PDLIM1: variants seen among roughly 807,000 people sequenced by gnomAD.
PDLIM1 encodes the protein PDZ and LIM domain 1.
PDLIM1 carries 25 observed loss-of-function variants against 35.2 expected under a neutral mutation model. The ratio of observed to expected loss-of-function variants is 0.71; its 90% CI spans 0.52 to 0.99. The LOEUF is 0.99. Among genes scored for constraint, PDLIM1 ranks in the 50% least tolerant of loss-of-function variants. The pLI, the probability that PDLIM1 is intolerant of heterozygous loss-of-function variation, is 0.00. For missense variants in PDLIM1, 363 were observed against 415.3 expected (o/e 0.87, Z 1.09); for synonymous variants, 152 against 154.0 (o/e 0.99, Z 0.10).
chr10:95,251,516 C>A (rs943491009), intron 4 of PDLIM1, among the ~76,000 whole-genome samples: 3 of 152,180 alleles, frequency 2.0e-5, no homozygotes, highest in Admixed American at 2.0e-4. Context: ...GCAGAAGTTG[C>A]TAAAACAAGA....
At chr10:95,276,121 C>T (rs916003038) in intron 1 of PDLIM1, among the ~76,000 whole-genome samples, 8 of 152,074 alleles carry the variant, frequency 5.3e-5, no homozygotes, top group African/African-American at 1.9e-4. Context: ...TACCTCACCA[C>T]CAACATATTA....
At chr10:95,258,501 C>CA (rs1035211941) in intron 4 of PDLIM1, among the ~76,000 whole-genome samples, 6 of 149,218 alleles carry the variant, frequency 4.0e-5, no homozygotes, top group Admixed American at 1.3e-4. Flanking sequence ...GACTCTGTCT[C>CA]AAAAAAAAGA....
intron 1 of PDLIM1, among the ~76,000 whole-genome samples, chr10:95,282,480 T>C (rs1173538072): frequency 1.3e-5 from 2 of 152,210 alleles, no homozygotes; most frequent in South Asian, 2.1e-4. Flanking sequence ...AGTTGCACCT[T>C]AATCCAGCTT....
At position 95,290,824 on chromosome 10, in the gene PDLIM1, GA is replaced by G; in HGVS notation, c.91del (p.Ser31ProfsTer11). 6.4e-7 allele frequency: 1 copy of G among 1,558,086 alleles called. No homozygotes were observed. Among genetic ancestry groups the G allele is most frequent in the Non-Finnish European group, 8.7e-7 (1 of 1,150,858 alleles). ...GCACGTCCCAGCTGCTCTTACCCGG[GA>G]AATGGCGAGAGGCTGCTCGAAGTCC... Reference protein sequence around the residue: ...GKDFEQPLAISRVTPGSKAAL... With the variant: ...GKDFEQPLAIXRVTPGSKAAL... On this transcript the variant is annotated frameshift_variant, in exon 1 of 7. Coordinates refer to ENST00000329399, the MANE Select transcript of PDLIM1 (RefSeq NM_020992.4). LOFTEE classifies it high-confidence loss of function. This position sits in a 1 kb window ranked among gnomAD's most constrained non-coding sequence, Gnocchi z 4.7.
intron 5 of PDLIM1, among the ~76,000 whole-genome samples, chr10:95,244,759 G>A (rs2035204711): frequency 1.3e-5 from 2 of 152,062 alleles, no homozygotes; most frequent in Non-Finnish European, 1.5e-5. Flanking sequence ...AATTATCTGG[G>A]CATGGTGGTA....
intron 2 of PDLIM1, 73 bp from the exon 3 acceptor site, chr10:95,268,935 A>G: frequency 9.2e-7 from 1 of 1,090,396 alleles, no homozygotes; most frequent in Non-Finnish European, 1.4e-6. Flanking sequence ...AAACTGGAAA[A>G]ATGCCCCCTC....
intron 5 of PDLIM1, among the ~76,000 whole-genome samples, chr10:95,241,858 C>T (rs2035180928): frequency 6.6e-6 from 1 of 152,210 alleles, no homozygotes; most frequent in Admixed American, 6.5e-5. Context: ...AGAGCCACAG[C>T]TATCCGGTAG....
intron 5 of PDLIM1, among the ~76,000 whole-genome samples, chr10:95,245,511 T>C (rs2035211800): frequency 6.6e-6 from 1 of 152,214 alleles, no homozygotes; most frequent in African/African-American, 2.4e-5. Flanking sequence ...ACGGATGAAC[T>C]TGACCTTGCC....
At chr10:95,270,381 CCAAAGGCTCCATGA>C (rs1326304701) in intron 2 of PDLIM1, among the ~76,000 whole-genome samples, 1 of 150,834 alleles carries the variant, frequency 6.6e-6, no homozygotes, top group Non-Finnish European at 1.5e-5. Context: ...GAGAATCTAA[CCAAAGGCTCCATGA>C]CAAAGAGCTG....
At chr10:95,257,643 C>T (rs2035328319) in intron 4 of PDLIM1, among the ~76,000 whole-genome samples, 1 of 152,122 alleles carries the variant, frequency 6.6e-6, no homozygotes, top group African/African-American at 2.4e-5. Context: ...ATCAAAAAGA[C>T]ATAAAACAAA....
chr10:95,284,107 T>C (rs1168202159), intron 1 of PDLIM1, among the ~76,000 whole-genome samples: 1 of 151,962 alleles, frequency 6.6e-6, no homozygotes, highest in Non-Finnish European at 1.5e-5. Flanking sequence ...ACTTATCTAT[T>C]CTATTGCTGT....
At chr10:95,253,774 T>A (rs532085677) in intron 4 of PDLIM1, among the ~76,000 whole-genome samples, 58 of 152,238 alleles carry the variant, frequency 3.8e-4, no homozygotes, top group African/African-American at 1.4e-3. Flanking sequence ...TGTTGACAAG[T>A]AAAGCAAAAA....
chr10:95,256,987 AAAGAAAG>A (rs1274223759), intron 4 of PDLIM1, among the ~76,000 whole-genome samples: 11 of 45,568 alleles, frequency 2.4e-4, no homozygotes, highest in Admixed American at 4.5e-4. Flanking sequence ...AAAAAAAAAA[AAAGAAAG>A]AAAGAAAGAA....
At position 95,290,289 on chromosome 10, in the gene PDLIM1, A is replaced by G. The variant is rs2035641314; in HGVS notation, c.96+531T>C. Among the ~76,000 whole-genome samples, 2 of 152,152 alleles carry G rather than the reference A, an allele frequency of 1.3e-5. No individual in the cohort carries two copies. Among genetic ancestry groups the G allele is most frequent in the Admixed American group, 1.3e-4 (2 of 15,282 alleles). On this transcript the variant is annotated intron_variant, in intron 1 of 6. Coordinates refer to ENST00000329399, the MANE Select transcript of PDLIM1 (RefSeq NM_020992.4). This position sits in a 1 kb window ranked among gnomAD's most constrained non-coding sequence, Gnocchi z 4.7. ...TCCCGAATCCAGCACATTCTCCAAA[A>G]GCCATTCGAGGGGCGAGCCTCGGCC...
chr10:95,238,848 C>A, intron 5 of PDLIM1, 163 bp from the exon 6 acceptor site: 1 of 542,566 alleles, frequency 1.8e-6, no homozygotes, highest in Non-Finnish European at 3.4e-6. Flanking sequence ...CTCTGGTCCC[C>A]AGTTTATTTT....
In PDLIM1 at chr10:95,257,003, A is replaced by AAAGAAAGAAAGAAAGG. The variant is rs1298232206; in HGVS notation, c.533+6860_533+6861insCCTTTCTTTCTTTCTT. ...AAAAAAAAAAAAGAAAGAAAGAAAG[A>AAAGAAAGAAAGAAAGG]AAGAAAGAAAGAAAGAAAGAAAGAA... On this transcript the variant is annotated intron_variant, in intron 4 of 6. Transcript: ENST00000329399. Among the ~76,000 whole-genome samples the AAAGAAAGAAAGAAAGG allele has an allele frequency of 4.1e-4, 37 of 90,964 alleles. 1 individual carries two copies. The highest frequency in any genetic ancestry group is 9.5e-4 in the Non-Finnish European group (32 of 33,626). 59.7% of individuals were successfully genotyped at this position (90,964 alleles called of 152,430 possible).
At position 95,238,010 on chromosome 10, in the gene PDLIM1, T is replaced by C. The variant is rs1194345823; in HGVS notation, c.905A>G (p.Glu302Gly). The change falls in exon 7 of 7, where the codon GAG becomes GGG. Residue 302 changes from glutamate (E) to glycine (G), a missense_variant. By Grantham distance (98) the Glu-to-Gly change is moderately conservative (BLOSUM62 -2). Transcript: ENST00000329399. ...ATGCTTCTCACAGTAGATTTGATCCTCCACAAAGAAATGGCCCTTCTGTTT... is the reference window on the plus strand; with the variant it reads ...ATGCTTCTCACAGTAGATTTGATCCCCCACAAAGAAATGGCCCTTCTGTTT... ...NLKQKGHFFVEDQIYCEKHAR... is the reference protein window; with the variant it reads ...NLKQKGHFFVGDQIYCEKHAR... 1.2e-6 allele frequency: 2 copies of C among 1,614,136 alleles called. No homozygotes were observed. The highest frequency in any genetic ancestry group is 1.7e-6 in the Non-Finnish European group (2 of 1,180,016).
rs950172969 is a variant in PDLIM1, at chr10:95,247,206, G to A, written c.685+9C>T. ...ACAAGAGCCTCTGACTGCAGATGGA[G>A]CTGATTACCTTTTTCTTCAGACTCC... On this transcript the variant is annotated intron_variant, in intron 5 of 6. Coordinates refer to ENST00000329399, the MANE Select transcript of PDLIM1 (RefSeq NM_020992.4). 4.4e-6 allele frequency: 7 copies of A among 1,606,542 alleles called. No individual in the cohort carries two copies. The highest frequency in any genetic ancestry group is 4.3e-6 in the Non-Finnish European group (5 of 1,174,888).
chr10:95,264,168 T>C, intron 3 of PDLIM1, 105 bp from the exon 4 acceptor site: 1 of 915,972 alleles, frequency 1.1e-6, no homozygotes, highest in South Asian at 1.5e-5. Flanking sequence ...GCTGCTAAGA[T>C]GGCCCTAGTT....
Sources: allele counts gnomAD v4.1 joint callset (sites outside exome capture counted in the v4.1 genomes callset), GRCh38; gene constraint gnomAD v4.1.1; non-coding constraint Gnocchi (gnomAD v3.1); transcripts MANE v1.5; gene names NCBI Gene and HGNC (gene_info 2026-07-23, HGNC 2026-07-21).